MIGA1: variants seen among roughly 807,000 people sequenced by gnomAD.
MIGA1 encodes the protein family with sequence similarity 73, member A.
In MIGA1, 58 loss-of-function variants were observed where a neutral mutation model predicts 82.0. That is an observed-to-expected ratio of 0.71 (90% CI 0.57 to 0.88). The LOEUF (loss-of-function observed/expected upper bound fraction) is 0.88, where lower values mean the gene tolerates loss of function less well. MIGA1 is among the 40% of genes least tolerant of loss of function. MIGA1 has a pLI of 0.00. For synonymous variants in MIGA1, 249 were observed against 253.6 expected (o/e 0.98, Z 0.17); for missense variants, 751 against 749.1 (o/e 1.00, Z -0.03).
intron 7 of MIGA1, among the ~76,000 whole-genome samples, chr1:77,831,742 G>A (rs1490831907): frequency 1.3e-5 from 2 of 152,022 alleles, no homozygotes; most frequent in African/African-American, 4.8e-5. Context: ...TATTCTTTAC[G>A]CACTTTGGTT....
intron 8 of MIGA1, chr1:77,853,708 A>AAC (rs1301043284): frequency 1.3e-4 from 39 of 291,882 alleles, no homozygotes; most frequent in South Asian, 2.8e-4. Context: ...ACAAACAAAC[A>AAC]ACACACACAC....
At chr1:77,815,041 G>A (rs1683520348) in intron 6 of MIGA1, 67 bp from the exon 7 acceptor site, 2 of 1,133,406 alleles carry the variant, frequency 1.8e-6, no homozygotes, top group Admixed American at 6.8e-5. Flanking sequence ...ATTTAAAAGT[G>A]GGAAAAATAT....
chr1:77,789,455 C>T (rs907834766), intron 2 of MIGA1, among the ~76,000 whole-genome samples: 3 of 152,166 alleles, frequency 2.0e-5, no homozygotes, highest in Admixed American at 6.5e-5. Context: ...AGCGATCCTC[C>T]CGTATTGGCC....
chr1:77,824,325 CT>C (rs1683948913), intron 7 of MIGA1, among the ~76,000 whole-genome samples: 1 of 152,116 alleles, frequency 6.6e-6, no homozygotes, highest in African/African-American at 2.4e-5. Context: ...ACTTGGGAGG[CT>C]GAGGCAGGAG....
chr1:77,869,179 C>A (rs1455553157), intron 14 of MIGA1, among the ~76,000 whole-genome samples: 1 of 144,958 alleles, frequency 6.9e-6, no homozygotes, highest in African/African-American at 2.6e-5. Context: ...ATCTGTTTAA[C>A]AAAGCACATC....
intron 8 of MIGA1, among the ~76,000 whole-genome samples, chr1:77,851,465 G>A (rs1297328441): frequency 6.6e-6 from 1 of 152,090 alleles, no homozygotes; most frequent in Non-Finnish European, 1.5e-5. Flanking sequence ...CTATTTAAAT[G>A]TTAATTTTTT....
At chr1:77,848,329 A>T in intron 8 of MIGA1, 1 of 1,278,018 alleles carries the variant, frequency 7.8e-7, no homozygotes, top group Non-Finnish European at 1.1e-6. Flanking sequence ...CAACAAAATG[A>T]TCAGAACCGA....
intron 2 of MIGA1, among the ~76,000 whole-genome samples, chr1:77,801,087 T>A (rs1303914634): frequency 6.6e-6 from 1 of 152,154 alleles, no homozygotes; most frequent in Non-Finnish European, 1.5e-5. Flanking sequence ...TATTTTCTGC[T>A]CCTATTGACT....
intron 8 of MIGA1, chr1:77,848,421 A>G: frequency 2.2e-6 from 2 of 921,156 alleles, no homozygotes; most frequent in Non-Finnish European, 3.4e-6. Flanking sequence ...ATATGAAAAT[A>G]ATGATAAATA....
At chr1:77,813,085 G>A (rs528999431) in intron 5 of MIGA1, among the ~76,000 whole-genome samples, 17 of 152,016 alleles carry the variant, frequency 1.1e-4, no homozygotes, top group African/African-American at 2.9e-4. Context: ...GGTTCAAGCC[G>A]ATTCTCCCGC....
At chr1:77,801,242 T>C in intron 2 of MIGA1, 89 bp from the exon 3 acceptor site, 1 of 854,666 alleles carries the variant, frequency 1.2e-6, no homozygotes, top group Non-Finnish European at 1.8e-6. Context: ...AGAAATAGGT[T>C]AGATTAAGAG....
intron 14 of MIGA1, among the ~76,000 whole-genome samples, chr1:77,871,971 T>G (rs1170366207): frequency 6.6e-6 from 1 of 151,286 alleles, no homozygotes; most frequent in Non-Finnish European, 1.5e-5. Context: ...CTAATATGAT[T>G]GCCCTTTTTT....
chr1:77,854,802 A>AT (rs1685182962), intron 8 of MIGA1, among the ~76,000 whole-genome samples: 1 of 151,880 alleles, frequency 6.6e-6, no homozygotes, highest in Admixed American at 6.6e-5. Context: ...TTAGTCCTTT[A>AT]TCAGATGTAG....
At chr1:77,847,740 C>T (rs781469908) in intron 8 of MIGA1, 84 of 1,591,504 alleles carry the variant, frequency 5.3e-5, no homozygotes, top group East Asian at 2.5e-4. Context: ...ATGCAGCTTT[C>T]GTGAAGCCAG....
chr1:77,817,954 G>GA, intron 7 of MIGA1, among the ~76,000 whole-genome samples: 1 of 121,772 alleles, frequency 8.2e-6, no homozygotes, highest in Admixed American at 8.0e-5. Flanking sequence ...AAGATTGGAA[G>GA]ATTTTTTTTT....
intron 2 of MIGA1, among the ~76,000 whole-genome samples, chr1:77,793,683 T>C (rs1682529763): frequency 6.6e-6 from 1 of 151,614 alleles, no homozygotes; most frequent in South Asian, 2.1e-4. Context: ...TTGCCCAGGC[T>C]GGTCTACCTG....
At chr1:77,784,740 A>G (rs1446998656) in intron 2 of MIGA1, among the ~76,000 whole-genome samples, 1 of 152,198 alleles carries the variant, frequency 6.6e-6, no homozygotes, top group African/African-American at 2.4e-5. Context: ...GATATACCCA[A>G]GACTGGGCAA....
intron 12 of MIGA1, among the ~76,000 whole-genome samples, chr1:77,863,514 G>C (rs1685549114): frequency 6.6e-6 from 1 of 152,196 alleles, no homozygotes. Context: ...ACAGCATGTA[G>C]TATGTAGAGT....
intron 7 of MIGA1, among the ~76,000 whole-genome samples, chr1:77,838,981 A>G (rs1462648116): frequency 2.0e-5 from 3 of 151,998 alleles, no homozygotes; most frequent in East Asian, 1.9e-4. Context: ...TGTTTATTCT[A>G]TATTTGGACA....
Sources: gnomAD v4.1 joint callset for allele counts (sites outside exome capture counted in the v4.1 genomes callset) on GRCh38, gnomAD v4.1.1 for gene constraint, MANE v1.5 for transcripts, NCBI Gene and HGNC (gene_info 2026-07-23, HGNC 2026-07-21) for gene names.